Variants in TMEM230 observed in about 807,000 individuals in gnomAD.
The protein encoded by TMEM230 is transmembrane protein 230.
A neutral mutation model predicts 15.8 loss-of-function variants in TMEM230; 10 were observed. The observed-to-expected ratio is 0.63, with a 90% CI of 0.39 to 1.07. The LOEUF is 1.07. Ranked by LOEUF, TMEM230 falls within the 50% of genes least tolerant of loss-of-function variation. The pLI is 0.01. For synonymous variants in TMEM230, 67 were observed against 76.9 expected (o/e 0.87, Z 0.68); for missense variants, 165 against 193.3 (o/e 0.85, Z 0.87).
chr20:5,109,769 T>C (rs528648048), intron 2 of TMEM230, among the ~76,000 whole-genome samples: 2 of 152,286 alleles, frequency 1.3e-5, no homozygotes, highest in East Asian at 3.9e-4. Flanking sequence ...TCCCTGACTT[T>C]TAATTTTTCC....
At chr20:5,079,869 C>T (rs1238654314) in intron 3 of TMEM230, among the ~76,000 whole-genome samples, 1 of 152,094 alleles carries the variant, frequency 6.6e-6, no homozygotes, top group Non-Finnish European at 1.5e-5. Context: ...ATCCTCCTGC[C>T]TCAGCTTCCC....
At chr20:5,111,894 T>A in intron 1 of TMEM230, 1 of 620,822 alleles carries the variant, frequency 1.6e-6, no homozygotes, top group Non-Finnish European at 2.0e-6. Flanking sequence ...TCACCCAGGC[T>A]AGAGTTTAGG....
At position 5,100,623 on chromosome 20, in the gene TMEM230, A is replaced by C; in HGVS notation, c.*168T>G. ...AAAATAGAGCTTGTCCTAATTAGCT[A>C]ACTGTAGGTTCACTTAACATCTTTG... On this transcript the variant is annotated 3_prime_UTR_variant, in exon 5 of 5. Transcript: ENST00000342308. 1.3e-5 allele frequency: 18 copies of C among 1,416,438 alleles called. No individual in the cohort carries two copies. Among genetic ancestry groups the C allele is most frequent in the Non-Finnish European group, 1.7e-5 (18 of 1,087,596 alleles). The allele number at this position is 1,416,438 out of a possible 1,614,324, so 87.7% of individuals were successfully genotyped here. A position where few individuals can be genotyped will look rare whatever the true frequency, so the allele number is the denominator to read the frequency against.
At chr20:5,073,942 C>A (rs2088907853) in intron 3 of TMEM230, among the ~76,000 whole-genome samples, 1 of 152,146 alleles carries the variant, frequency 6.6e-6, no homozygotes, top group African/African-American at 2.4e-5. Context: ...GGCTCAGCTT[C>A]TGGTGAGGAC....
At chr20:5,059,767 T>C in the TMEM230 span, among the ~76,000 whole-genome samples, 5 of 14,028 alleles carry the variant, frequency 3.6e-4, no homozygotes, top group African/African-American at 1.4e-3. Flanking sequence ...CAGCTAATTT[T>C]TTTTTTTTTT....
intron 3 of TMEM230, among the ~76,000 whole-genome samples, chr20:5,091,600 G>A (rs1021527625): frequency 6.6e-6 from 1 of 152,080 alleles, no homozygotes; most frequent in African/African-American, 2.4e-5. Context: ...AGGATATGAT[G>A]GGCTGACTGT....
chr20:5,103,648 C>CA (rs1282006506), intron 4 of TMEM230, among the ~76,000 whole-genome samples: 1 of 148,004 alleles, frequency 6.8e-6, no homozygotes, highest in Admixed American at 6.7e-5. Flanking sequence ...AAAAAACAAA[C>CA]AAAAAAACCA....
chr20:5,105,664 G>A (rs1243260630), intron 4 of TMEM230, among the ~76,000 whole-genome samples: 1 of 152,132 alleles, frequency 6.6e-6, no homozygotes. Flanking sequence ...AGCCTGATGT[G>A]ATTATTATGA....
At chr20:5,060,462 G>C in the TMEM230 span, among the ~76,000 whole-genome samples, 1 of 150,650 alleles carries the variant, frequency 6.6e-6, no homozygotes, top group Non-Finnish European at 1.5e-5. Context: ...TCAGCCTCCT[G>C]AGTAGCTGGG....
chr20:5,101,921 C>A (rs559347756), intron 4 of TMEM230, among the ~76,000 whole-genome samples: 2 of 152,334 alleles, frequency 1.3e-5, no homozygotes, highest in African/African-American at 2.4e-5. Flanking sequence ...ACAGTGACCC[C>A]ACACATATAA....
intron 3 of TMEM230, among the ~76,000 whole-genome samples, chr20:5,094,140 G>T (rs2089594297): frequency 6.6e-6 from 1 of 151,280 alleles, no homozygotes; most frequent in Non-Finnish European, 1.5e-5. Context: ...TGTATTTTTA[G>T]TTGAGACGGC....
At chr20:5,102,527 C>CA (rs73616164) in intron 4 of TMEM230, among the ~76,000 whole-genome samples, 71,236 of 151,330 alleles carry the variant, frequency 0.47, 18,405 homozygotes, top group East Asian at 0.84. Flanking sequence ...CCTGTCTTGA[C>CA]AAAAAATACA....
chr20:5,100,196 C>G lies in TMEM230; in HGVS notation c.*595G>C. The G allele has an allele frequency of 1.0e-6, 1 of 985,430 alleles. No homozygotes were observed. Among genetic ancestry groups the G allele is most frequent in the South Asian group, 4.7e-5 (1 of 21,288 alleles). The allele number at this position is 985,430 out of a possible 1,614,324, so 61.0% of individuals were successfully genotyped here. On this transcript the variant is annotated 3_prime_UTR_variant, in exon 5 of 5. Transcript: ENST00000342308. The stretch of plus-strand genomic sequence containing the variant: ...ACTGGTGAACTGGATCAGAATGGTC[C>G]AAGGACTGTTAAACAGAGGAAGTAT...
intron 4 of TMEM230, among the ~76,000 whole-genome samples, chr20:5,103,143 C>T (rs1307378915): frequency 6.6e-6 from 1 of 152,142 alleles, no homozygotes; most frequent in Non-Finnish European, 1.5e-5. Context: ...GTGGGCCTCA[C>T]ACTGACCATA....
At chr20:5,104,708 C>T (rs2090000753) in intron 4 of TMEM230, among the ~76,000 whole-genome samples, 1 of 152,152 alleles carries the variant, frequency 6.6e-6, no homozygotes, top group Admixed American at 6.5e-5. Flanking sequence ...GAATGAGATC[C>T]TGTCACTTGC....
At chr20:5,107,896 G>A (rs963012256) in intron 3 of TMEM230, among the ~76,000 whole-genome samples, 1 of 151,860 alleles carries the variant, frequency 6.6e-6, no homozygotes, top group Non-Finnish European at 1.5e-5. Context: ...TGAATCACTG[G>A]AGGTTAAGAG....
At chr20:5,061,206 A>G in the TMEM230 span, 1 of 152,176 alleles carries the variant, frequency 6.6e-6, no homozygotes, top group Non-Finnish European at 1.5e-5. Flanking sequence ...CATTTTCAAC[A>G]TAGACTTGTA....
Position 5,100,366 on chromosome 20 carries a change from T to G in TMEM230, c.*425A>C. On this transcript the variant is annotated 3_prime_UTR_variant, in exon 5 of 5. Transcript: ENST00000342308. Reference sequence around the variant, plus strand: ...ACTGGAACATGAAGGTAGGGATAAGTGTACAGGATAATATACTCAGATATT... The same window carrying G: ...ACTGGAACATGAAGGTAGGGATAAGGGTACAGGATAATATACTCAGATATT... The G allele has an allele frequency of 1.0e-6, 1 of 985,532 alleles. No individual in the cohort carries two copies. The highest frequency in any genetic ancestry group is 6.1e-5 in the Admixed American group (1 of 16,308). 61.0% of individuals were successfully genotyped at this position (985,532 alleles called of 1,614,324 possible).
At chr20:5,062,215 TC>T in the TMEM230 span, among the ~76,000 whole-genome samples, 1 of 144,222 alleles carries the variant, frequency 6.9e-6, no homozygotes, top group Non-Finnish European at 1.5e-5. Context: ...AAAGTGAAAC[TC>T]CGTCTCAAAA....
Sources: allele counts gnomAD v4.1 joint callset (sites outside exome capture counted in the v4.1 genomes callset), GRCh38; gene constraint gnomAD v4.1.1; transcripts MANE v1.5; gene names NCBI Gene and HGNC (gene_info 2026-07-23, HGNC 2026-07-21).